Variants in NEMF observed in about 807,000 individuals in gnomAD.
The protein encoded by NEMF is ribosome quality control complex subunit NEMF.
A neutral mutation model predicts 162.2 loss-of-function variants in NEMF; 89 were observed. The ratio of observed to expected loss-of-function variants is 0.55; its 90% confidence interval spans 0.46 to 0.65. NEMF has a LOEUF of 0.65. Ranked by LOEUF, NEMF falls within the 30% of genes least tolerant of loss-of-function variation. The pLI is 0.00. For synonymous variants in NEMF, 421 were observed against 404.5 expected (o/e 1.04, Z -0.49); for missense variants, 1,133 against 1,261.9 (o/e 0.90, Z 1.55).
chr14:49,840,242 G>A (rs1893129831), intron 5 of NEMF, among the ~76,000 whole-genome samples: 1 of 152,066 alleles, frequency 6.6e-6, no homozygotes, highest in South Asian at 2.1e-4. Context: ...CAGGCAGATT[G>A]CCTGAGGTCA....
chr14:49,851,955 G>A (rs1238829131), intron 1 of NEMF, 80 bp from the exon 2 acceptor site: 1 of 861,326 alleles, frequency 1.2e-6, no homozygotes, highest in African/African-American at 1.7e-5. Flanking sequence ...TAAAAGCTTC[G>A]AAAGAGCGGA....
chr14:49,814,148 G>A, intron 17 of NEMF, 98 bp from the exon 18 acceptor site: 4 of 704,770 alleles, frequency 5.7e-6, no homozygotes, highest in South Asian at 3.3e-5. Context: ...CGCCCAGGCT[G>A]GAGTGCAGTG....
In NEMF at chr14:49,783,919, A is replaced by C. The variant is rs1483313968; in HGVS notation, c.*717T>G. The C allele has an allele frequency of 6.6e-6, 1 of 152,190 alleles. No homozygotes were observed. The highest frequency in any genetic ancestry group is 1.9e-4 in the East Asian group (1 of 5,204). 9.4% of individuals were successfully genotyped at this position (152,190 alleles called of 1,614,324 possible). ...CACTCCAATACTTAGTTTTCAAGAC[A>C]CAATCCTAAATATTTAAACCCCTTG... On this transcript the variant is annotated 3_prime_UTR_variant, in exon 33 of 33. Transcript: ENST00000298310.
intron 25 of NEMF, 127 bp from the exon 26 acceptor site, chr14:49,796,071 T>A: frequency 1.5e-6 from 1 of 668,054 alleles, no homozygotes; most frequent in Non-Finnish European, 2.6e-6. Flanking sequence ...CACTTGATAA[T>A]CACCAAGTTA....
At chr14:49,818,424 G>A (rs1251503345) in intron 16 of NEMF, 1 of 152,138 alleles carries the variant, frequency 6.6e-6, no homozygotes, top group Non-Finnish European at 1.5e-5. Flanking sequence ...ATCCTAAGCT[G>A]ATGGTGAAAA....
At chr14:49,839,834 T>A (rs1037999983) in intron 5 of NEMF, 1 of 152,174 alleles carries the variant, frequency 6.6e-6, no homozygotes, top group Non-Finnish European at 1.5e-5. Context: ...TTTTTAATTT[T>A]AAATTTAAAA....
At chr14:49,847,348 C>T (rs1893553497) in intron 3 of NEMF, among the ~76,000 whole-genome samples, 1 of 151,976 alleles carries the variant, frequency 6.6e-6, no homozygotes, top group Non-Finnish European at 1.5e-5. Flanking sequence ...GGACTACAGG[C>T]GCCCACTACC....
At chr14:49,808,299 A>T (rs1334649168) in intron 18 of NEMF, among the ~76,000 whole-genome samples, 1 of 151,994 alleles carries the variant, frequency 6.6e-6, no homozygotes, top group African/African-American at 2.4e-5. Context: ...CAGCCTCCCA[A>T]GTAGCTTGGA....
rs1328400600 is a variant in NEMF, at chr14:49,844,729, ACGCGCG to A, written c.357+1405_357+1410del. ...TTTATATACATACACACGCACGCGCACGCGCGCGCACACACACACACACACACACAC... is the reference window on the plus strand; with the variant it reads ...TTTATATACATACACACGCACGCGCACGCACACACACACACACACACACAC... On this transcript the variant is annotated intron_variant, in intron 4 of 32. Transcript: ENST00000298310. The A allele has an allele frequency of 4.5e-3, 308 of 68,950 alleles. 2 individuals carry two copies. The highest frequency in any genetic ancestry group is 0.015 in the African/African-American group (281 of 18,162). 4.3% of individuals were successfully genotyped at this position (68,950 alleles called of 1,614,324 possible).
At chr14:49,821,699 C>T in intron 16 of NEMF, among the ~76,000 whole-genome samples, 1 of 142,002 alleles carries the variant, frequency 7.0e-6, no homozygotes, top group Non-Finnish European at 1.6e-5. Flanking sequence ...GGCTCAGCCC[C>T]CCGCCCGGCC....
Position 49,846,254 on chromosome 14 carries a change from A to G in NEMF, c.243T>C (p.His81=), listed in dbSNP as rs1477179888. ...CACTGACTAATCTCCGACTCTTCAA[A>G]TGTTTTCGGCACTAGCAAGAGAAAG... is the stretch of plus-strand genomic sequence containing the variant. The part of the protein sequence containing the change: ...PSSFAMKCRK[H]LKSRRLVSAK... The change falls in exon 4 of 33, where the codon CAT becomes CAC. Residue 81 remains histidine (H), a synonymous_variant. Transcript: ENST00000298310. The G allele has an allele frequency of 6.2e-7, 1 of 1,611,640 alleles. No homozygotes were observed. The highest frequency in any genetic ancestry group is 2.2e-5 in the East Asian group (1 of 44,850).
At chr14:49,822,837 T>G (rs572453630) in intron 16 of NEMF, among the ~76,000 whole-genome samples, 9 of 152,242 alleles carry the variant, frequency 5.9e-5, no homozygotes, top group African/African-American at 1.9e-4. Context: ...GAGATTAACT[T>G]CTGGTCTCCT....
chr14:49,799,804 G>T, intron 23 of NEMF, 126 bp from the exon 24 acceptor site: 2 of 763,818 alleles, frequency 2.6e-6, no homozygotes, highest in Non-Finnish European at 4.3e-6. Flanking sequence ...ATTTGGTGAA[G>T]TGAGAAAAAC....
chr14:49,790,979 G>A (rs896078590), intron 26 of NEMF, among the ~76,000 whole-genome samples: 2 of 151,948 alleles, frequency 1.3e-5, no homozygotes, highest in Non-Finnish European at 2.9e-5. Flanking sequence ...GGCAACAAGA[G>A]TAAAACTCTG....
At chr14:49,842,723 C>A (rs1416313085) in intron 4 of NEMF, among the ~76,000 whole-genome samples, 1 of 152,114 alleles carries the variant, frequency 6.6e-6, no homozygotes, top group Non-Finnish European at 1.5e-5. Flanking sequence ...AAACTAGTAG[C>A]AGGCCAGGCG....
At chr14:49,812,221 C>T (rs1194394270) in intron 18 of NEMF, among the ~76,000 whole-genome samples, 1 of 151,956 alleles carries the variant, frequency 6.6e-6, no homozygotes, top group Non-Finnish European at 1.5e-5. Context: ...TCATGGTATT[C>T]CCTTATAATC....
At chr14:49,805,587 A>C (rs115418391) in intron 19 of NEMF, among the ~76,000 whole-genome samples, 2,503 of 152,262 alleles carry the variant, frequency 0.016, 58 homozygotes, top group African/African-American at 0.056. Context: ...TTTAAAAAAA[A>C]AAACAAACAG....
rs528977050 is a variant in NEMF, at chr14:49,848,436, G to A, written c.232-2171C>T. 1.4e-4 allele frequency among the ~76,000 whole-genome samples: 21 copies of A among 152,228 alleles called. 1 individual carries two copies. The highest frequency in any genetic ancestry group is 4.8e-4 in the African/African-American group (20 of 41,536). On this transcript the variant is annotated intron_variant, in intron 3 of 32. Transcript: ENST00000298310. The stretch of plus-strand genomic sequence containing the variant: ...CAAATATTGAAGTATGACATGGACT[G>A]GTAACAAGACTACTCTGTAGCCTCT...
At chr14:49,785,908 A>G (rs1890156012) in intron 29 of NEMF, 1 of 139,246 alleles carries the variant, frequency 7.2e-6, no homozygotes, top group African/African-American at 2.7e-5. Flanking sequence ...AAAAAAAAGG[A>G]AAAAAACTAT....
Sources: allele counts gnomAD v4.1 joint callset (sites outside exome capture counted in the v4.1 genomes callset), GRCh38; gene constraint gnomAD v4.1.1; transcripts MANE v1.5; gene names NCBI Gene and HGNC (gene_info 2026-07-23, HGNC 2026-07-21).